ZNF717: variants seen among roughly 807,000 people sequenced by gnomAD.
The protein encoded by ZNF717 is krueppel-like factor X17.
A neutral mutation model predicts 13.8 loss-of-function variants in ZNF717; 9 were observed. The ratio of observed to expected loss-of-function variants is 0.65; its 90% CI spans 0.39 to 1.14. ZNF717 has a LOEUF of 1.14. Among genes scored for constraint, ZNF717 ranks in the 50% most tolerant of loss-of-function variants. ZNF717 has a pLI of 0.01. For missense variants in ZNF717, 1,040 were observed against 1,080.7 expected (o/e 0.96, Z 0.53); for synonymous variants, 327 against 364.1 (o/e 0.90, Z 1.16).
chr3:75,777,787 T>A (rs1944451194), intron 2 of ZNF717, among the ~76,000 whole-genome samples: 2 of 149,232 alleles, frequency 1.3e-5, no homozygotes, highest in African/African-American at 5.0e-5. Flanking sequence ...GGGAGTGACA[T>A]GCTAAAACCG....
downstream of ZNF717, among the ~76,000 whole-genome samples, chr3:75,725,519 CA>C (rs1419485295): frequency 2.8e-4 from 43 of 152,372 alleles, no homozygotes; most frequent in East Asian, 7.5e-3. Flanking sequence ...ACCTTCCTGT[CA>C]AACTCATAAT....
chr3:75,697,366 C>T (rs1367406452), intron 6 of ZNF717, among the ~76,000 whole-genome samples: 45 of 152,062 alleles, frequency 3.0e-4, no homozygotes, highest in South Asian at 4.1e-4. Flanking sequence ...GGAGGTGGGC[C>T]TGGTGAAAGG....
chr3:75,751,773 T>G (rs2107413814), intron 2 of ZNF717, among the ~76,000 whole-genome samples: 1 of 151,806 alleles, frequency 6.6e-6, no homozygotes, highest in Middle Eastern at 3.4e-3. Context: ...TCCAGAACAA[T>G]GCTATGACTG....
intron 2 of ZNF717, among the ~76,000 whole-genome samples, chr3:75,751,387 C>T (rs1195660791): frequency 6.6e-6 from 1 of 151,398 alleles, no homozygotes; most frequent in African/African-American, 2.4e-5. Context: ...GATTCCAGAA[C>T]TCTCCTGCTG....
downstream of ZNF717, chr3:75,731,954 T>C: frequency 1.5e-6 from 1 of 658,104 alleles, no homozygotes; most frequent in Non-Finnish European, 2.7e-6. Flanking sequence ...GTAGAAAATC[T>C]TGAACTATAA....
chr3:75,743,620 G>C (rs948872528), intron 2 of ZNF717, among the ~76,000 whole-genome samples: 1 of 152,234 alleles, frequency 6.6e-6, no homozygotes, highest in East Asian at 1.9e-4. Context: ...AAAGCCAGAA[G>C]GGAGTAAAGA....
intron 2 of ZNF717, among the ~76,000 whole-genome samples, chr3:75,782,043 T>A (rs1944863442): frequency 6.6e-6 from 1 of 152,110 alleles, no homozygotes; most frequent in African/African-American, 2.4e-5. Context: ...TAGCCATCTC[T>A]CAGTCGCTGG....
intron 6 of ZNF717, among the ~76,000 whole-genome samples, chr3:75,696,467 A>T (rs200961903): frequency 0.051 from 5,792 of 113,794 alleles, no homozygotes; most frequent in African/African-American, 0.062. Context: ...TTGATGCAAA[A>T]ATTTGCAAAA....
downstream of ZNF717, among the ~76,000 whole-genome samples, chr3:75,726,281 T>C (rs80026430): frequency 2.0e-5 from 3 of 152,242 alleles, no homozygotes; most frequent in African/African-American, 7.2e-5. Flanking sequence ...GAGTTGTAAA[T>C]AGAAGACCAA....
chr3:75,755,081 T>C (rs1458437466), intron 2 of ZNF717, among the ~76,000 whole-genome samples: 5 of 152,130 alleles, frequency 3.3e-5, no homozygotes, highest in Non-Finnish European at 2.9e-5. Context: ...CCAACCTAAG[T>C]TTCTGTACCC....
chr3:75,739,314 C>G lies in ZNF717; in HGVS notation c.309G>C (p.Arg103Ser), dbSNP rs551351594. Residue 103 changes from arginine to serine, a missense_variant, in exon 5 of 5, where the codon AGG becomes AGC. Arg to Ser is a moderately radical substitution (Grantham distance 110). Transcript: ENST00000652011. The stretch of plus-strand genomic sequence containing the variant: ...AAAATCTATCATGACTTTCATGGCT[C>G]CTTTCAATAAGGTCATCAATGATCT... ...AVQIIDDLIE[R>S]SHESHDRFFW... 4.1e-5 allele frequency: 61 copies of G among 1,493,180 alleles called. No homozygotes were observed. In the East Asian group the frequency reaches 1.5e-3, roughly 37 times the overall value. The allele number at this position is 1,493,180 out of a possible 1,614,324, so 92.5% of individuals were successfully genotyped here. A position where few individuals can be genotyped will look rare whatever the true frequency, so the allele number is the denominator to read the frequency against.
downstream of ZNF717, among the ~76,000 whole-genome samples, chr3:75,728,556 T>C (rs1313098948): frequency 6.6e-6 from 1 of 151,940 alleles, no homozygotes; most frequent in African/African-American, 2.4e-5. Context: ...GTGGAAGTAA[T>C]TGGACCATGG....
chr3:75,780,734 G>T (rs1333277667), intron 2 of ZNF717, among the ~76,000 whole-genome samples: 1 of 152,222 alleles, frequency 6.6e-6, no homozygotes, highest in East Asian at 1.9e-4. Context: ...ATTATGCGAG[G>T]CCATTGTTTT....
At chr3:75,730,902 A>G (rs1182554035), downstream of ZNF717, among the ~76,000 whole-genome samples, 2 of 152,268 alleles carry the variant, frequency 1.3e-5, no homozygotes, top group Admixed American at 1.3e-4. Context: ...CATTAAGAAG[A>G]TAAGTCTTAG....
intron 4 of ZNF717, among the ~76,000 whole-genome samples, chr3:75,717,093 A>AT (rs972933064): frequency 2.6e-5 from 4 of 151,938 alleles, no homozygotes; most frequent in African/African-American, 9.7e-5. Context: ...CAATTTGGGG[A>AT]TTTTCTCTAA....
intron 4 of ZNF717, among the ~76,000 whole-genome samples, chr3:75,740,843 A>G (rs1940318916): frequency 6.6e-6 from 1 of 152,180 alleles, no homozygotes; most frequent in Non-Finnish European, 1.5e-5. Flanking sequence ...AATAAAAAAT[A>G]AAACAAGAAT....
In ZNF717 at chr3:75,736,600, GGAGAA is replaced by G; in HGVS notation, c.*273_*277del. On this transcript the variant is annotated 3_prime_UTR_variant, in exon 5 of 5. Coordinates refer to ENST00000652011, the MANE Select transcript of ZNF717 (RefSeq NM_001290208.3). ...CCCTAACTCTCTTCAATTCTATGGA[GGAGAA>G]GAGAGGTGAGGAAGTTGCAGAAGAA... 2 of 282,134 alleles carry G rather than the reference GGAGAA, an allele frequency of 7.1e-6. No individual in the cohort carries two copies. Among genetic ancestry groups the G allele is most frequent in the South Asian group, 1.4e-4 (2 of 14,082 alleles). 17.5% of individuals were successfully genotyped at this position (282,134 alleles called of 1,614,324 possible).
At chr3:75,703,758 C>T (rs1167361006) in intron 6 of ZNF717, among the ~76,000 whole-genome samples, 5 of 152,280 alleles carry the variant, frequency 3.3e-5, no homozygotes, top group Non-Finnish European at 5.9e-5. Context: ...ACATTTTCTC[C>T]TTGAGGAGTA....
intron 2 of ZNF717, among the ~76,000 whole-genome samples, chr3:75,780,497 C>T (rs544397849): frequency 2.8e-3 from 421 of 152,140 alleles, no homozygotes; most frequent in African/African-American, 8.0e-3. Context: ...TTCCGCCTCC[C>T]GGGTTCAGGC....
Sources: allele counts gnomAD v4.1 joint callset (sites outside exome capture counted in the v4.1 genomes callset), GRCh38; gene constraint gnomAD v4.1.1; transcripts MANE v1.5; gene names NCBI Gene and HGNC (gene_info 2026-07-23, HGNC 2026-07-21).